The following RASA3 variants were observed in gnomAD, a reference collection of about 807,000 sequenced individuals.
RASA3 encodes the protein RAS p21 protein activator 3.
In RASA3, 73 loss-of-function variants were observed where a neutral mutation model predicts 110.0. The observed-to-expected ratio is 0.66, with a 90% CI of 0.55 to 0.81. The LOEUF is 0.81. Ranked by LOEUF, RASA3 falls within the 30% of genes least tolerant of loss-of-function variation. The probability of loss-of-function intolerance (pLI) is 0.00; values close to 1 mark genes in which losing one functional copy is unlikely to be tolerated. For synonymous variants in RASA3, 500 were observed against 451.4 expected (o/e 1.11, Z -1.37); for missense variants, 976 against 1,113.2 (o/e 0.88, Z 1.75).
chr13:114,059,952 C>T (rs574249999), intron 2 of RASA3, among the ~76,000 whole-genome samples: 364 of 152,338 alleles, frequency 2.4e-3, no homozygotes, highest in Non-Finnish European at 4.2e-3. Flanking sequence ...GCAAGGCTGG[C>T]GGGGGCAGCA....
chr13:114,089,060 G>A (rs1412837496), intron 1 of RASA3, among the ~76,000 whole-genome samples: 1 of 152,022 alleles, frequency 6.6e-6, no homozygotes, highest in African/African-American at 2.4e-5. Flanking sequence ...GGCGAGTCCC[G>A]AATCCCTGGT....
At chr13:114,078,367 A>G (rs2079727632) in intron 1 of RASA3, among the ~76,000 whole-genome samples, 1 of 152,242 alleles carries the variant, frequency 6.6e-6, no homozygotes, top group Non-Finnish European at 1.5e-5. Flanking sequence ...AAAAAGACAA[A>G]GCTGTCTGTG....
chr13:114,090,260 G>A (rs1193918142), intron 1 of RASA3, among the ~76,000 whole-genome samples: 1 of 152,214 alleles, frequency 6.6e-6, no homozygotes, highest in Non-Finnish European at 1.5e-5. Flanking sequence ...CAAAGCGCAA[G>A]CGTTACCATG....
intron 23 of RASA3, among the ~76,000 whole-genome samples, chr13:113,980,337 T>C (rs2052898378): frequency 7.2e-6 from 1 of 139,544 alleles, no homozygotes; most frequent in African/African-American, 3.0e-5. Flanking sequence ...TTCTCCCACA[T>C]GTGTGCACCT....
chr13:114,049,118 C>T (rs905605867), intron 3 of RASA3, among the ~76,000 whole-genome samples: 9 of 152,084 alleles, frequency 5.9e-5, no homozygotes, highest in Admixed American at 5.2e-4. Flanking sequence ...CTGAGCACAG[C>T]TGTGGCTGCC....
At position 114,018,264 on chromosome 13, in the gene RASA3, G is replaced by A. The variant is rs1236258461; in HGVS notation, c.943-12C>T. ...GACGCTGACACGGGCTGCGGGGAGG[G>A]GTGAGGTCAGTGCCAGGGCCCGGGG... On this transcript the variant is annotated splice_polypyrimidine_tract_variant and intron_variant, in intron 10 of 23. Coordinates refer to ENST00000334062, the MANE Select transcript of RASA3 (RefSeq NM_007368.4). 1.3e-6 allele frequency: 2 copies of A among 1,548,410 alleles called. No individual in the cohort carries two copies. Among genetic ancestry groups the A allele is most frequent in the South Asian group, 1.2e-5 (1 of 83,846 alleles).
chr13:114,061,036 G>A (rs994798428), intron 2 of RASA3, among the ~76,000 whole-genome samples: 1 of 151,936 alleles, frequency 6.6e-6, no homozygotes, highest in Non-Finnish European at 1.5e-5. Context: ...GCCGGCAGAT[G>A]GAGCCTGGGC....
At chr13:113,990,367 C>T (rs1175047499) in intron 22 of RASA3, among the ~76,000 whole-genome samples, 5 of 152,154 alleles carry the variant, frequency 3.3e-5, no homozygotes, top group African/African-American at 4.8e-5. Flanking sequence ...AGCTGTGATG[C>T]GGGGCGCACG....
chr13:113,999,053 C>T (rs1409269265), intron 20 of RASA3, among the ~76,000 whole-genome samples: 1 of 37,962 alleles, frequency 2.6e-5, no homozygotes, highest in African/African-American at 1.7e-4. Flanking sequence ...GACTGGGGAA[C>T]GAGGCGACAT....
chr13:114,060,938 G>A (rs994183553), intron 2 of RASA3, among the ~76,000 whole-genome samples: 14 of 151,480 alleles, frequency 9.2e-5, no homozygotes, highest in African/African-American at 2.7e-4. Context: ...CCCCACAGCC[G>A]GCAGACGGAG....
chr13:114,036,110 G>A (rs1438777459), intron 4 of RASA3: 2 of 152,254 alleles, frequency 1.3e-5, no homozygotes, highest in Admixed American at 6.5e-5. Context: ...TGACCCCCAG[G>A]CGCCCAGATC....
intron 22 of RASA3, among the ~76,000 whole-genome samples, chr13:113,982,607 G>A (rs1400002731): frequency 1.3e-5 from 2 of 152,228 alleles, no homozygotes; most frequent in South Asian, 2.1e-4. Flanking sequence ...TGCTCACAGC[G>A]CCTGGGCACG....
Position 114,057,087 on chromosome 13 carries a change from G to T in RASA3, c.174-4932C>A. 1 of 603,278 alleles carries T rather than the reference G, an allele frequency of 1.7e-6. No homozygotes were observed. The highest frequency in any genetic ancestry group is 2.1e-6 in the Non-Finnish European group (1 of 481,290). 37.4% of individuals were successfully genotyped at this position (603,278 alleles called of 1,614,324 possible). A position where few individuals can be genotyped will look rare whatever the true frequency, so the allele number is the denominator to read the frequency against. On this transcript the variant is annotated intron_variant, in intron 2 of 23. Transcript: ENST00000334062. The surrounding 1 kb of genome is among the most constrained non-coding windows in gnomAD (Gnocchi z 5.0). ...CACATTTGCAGCTGAGAACCCTGGA[G>T]CCAGAACAGGCTCCAGCACAGGCGA...
intron 1 of RASA3, among the ~76,000 whole-genome samples, chr13:114,117,448 TG>T (rs2080301395): frequency 8.4e-6 from 1 of 119,274 alleles, no homozygotes; most frequent in African/African-American, 3.3e-5. Flanking sequence ...CATCTGTGGG[TG>T]AGCACGTGCG....
intron 2 of RASA3, among the ~76,000 whole-genome samples, chr13:114,063,829 C>A (rs1358398930): frequency 6.6e-6 from 1 of 152,216 alleles, no homozygotes; most frequent in African/African-American, 2.4e-5. Context: ...CCAGCATACG[C>A]CGTCTTATAA....
chr13:114,096,736 A>G lies in RASA3; in HGVS notation c.56-22899T>C, dbSNP rs1238409246. On this transcript the variant is annotated intron_variant, in intron 1 of 23. Transcript: ENST00000334062. This position sits in a 1 kb window ranked among gnomAD's most constrained non-coding sequence, Gnocchi z 5.1. The stretch of plus-strand genomic sequence containing the variant: ...ACCACCCTTCCCTCCTCGTCCCCCA[A>G]AGCACTCAACAGCTCTCCAGCACCC... Among the ~76,000 whole-genome samples the G allele has an allele frequency of 5.3e-5, 8 of 151,842 alleles. No individual in the cohort carries two copies. The highest frequency in any genetic ancestry group is 5.2e-4 in the Admixed American group (8 of 15,258).
At chr13:113,993,762 C>G (rs2053170723) in intron 21 of RASA3, among the ~76,000 whole-genome samples, 1 of 134,390 alleles carries the variant, frequency 7.4e-6, no homozygotes, top group African/African-American at 2.8e-5. Context: ...GAGCCGAAAT[C>G]ACACCACTGC....
chr13:114,077,752 C>A, intron 1 of RASA3: 1 of 937,714 alleles, frequency 1.1e-6, no homozygotes, highest in Non-Finnish European at 1.3e-6. Flanking sequence ...AGTCCCCTGG[C>A]CCCAAAACAC....
intron 2 of RASA3, among the ~76,000 whole-genome samples, chr13:114,066,099 C>T (rs7997426): frequency 0.012 from 1,837 of 152,220 alleles, 27 homozygotes; most frequent in African/African-American, 0.043. Flanking sequence ...GCACGCAGCA[C>T]CCCGGGACAC....
Sources: allele counts gnomAD v4.1 joint callset (sites outside exome capture counted in the v4.1 genomes callset), GRCh38; gene constraint gnomAD v4.1.1; non-coding constraint Gnocchi (gnomAD v3.1); transcripts MANE v1.5; gene names NCBI Gene and HGNC (gene_info 2026-07-23, HGNC 2026-07-21).